The following CAMSAP2 variants were observed in gnomAD, a reference collection of about 807,000 sequenced individuals.
The protein encoded by CAMSAP2 is calmodulin regulated spectrin associated protein family member 2.
A neutral mutation model predicts 146.1 loss-of-function variants in CAMSAP2; 26 were observed. The ratio of observed to expected loss-of-function variants is 0.18; its 90% CI spans 0.13 to 0.25. CAMSAP2 has a LOEUF of 0.25. CAMSAP2 is among the 10% of genes least tolerant of loss of function. The pLI, the probability that CAMSAP2 is intolerant of heterozygous loss-of-function variation, is 1.00. For synonymous variants in CAMSAP2, 499 were observed against 596.6 expected (o/e 0.84, Z 2.38); for missense variants, 1,381 against 1,759.3 (o/e 0.78, Z 3.85).
At chr1:200,794,137 G>GA (rs1165955724) in intron 2 of CAMSAP2, among the ~76,000 whole-genome samples, 2 of 152,044 alleles carry the variant, frequency 1.3e-5, no homozygotes, top group East Asian at 3.9e-4. Flanking sequence ...GATTTCTGTG[G>GA]AAAAAATACA....
chr1:200,753,355 A>G (rs1476531885), intron 1 of CAMSAP2, among the ~76,000 whole-genome samples: 1 of 151,728 alleles, frequency 6.6e-6, no homozygotes, highest in Non-Finnish European at 1.5e-5. Flanking sequence ...CTGGATATCA[A>G]GCCCCTTCCT....
Position 200,858,991 on chromosome 1 carries a change from CATTAT to C in CAMSAP2, c.*936_*940del, listed in dbSNP as rs532203938. The C allele has an allele frequency of 2.6e-4, 40 of 152,586 alleles. No individual in the cohort carries two copies. The highest frequency in any genetic ancestry group is 9.4e-4 in the African/African-American group (39 of 41,564). The allele number at this position is 152,586 out of a possible 1,614,324, so 9.5% of individuals were successfully genotyped here. On this transcript the variant is annotated 3_prime_UTR_variant, in exon 17 of 17. Coordinates refer to ENST00000358823, the MANE Select transcript of CAMSAP2 (RefSeq NM_203459.4). ...GAAACAAGTTCTCAAGAAGTCTTTACATTATATTTATAACTCATATAAAAATTATA... is the reference window on the plus strand; with the variant it reads ...GAAACAAGTTCTCAAGAAGTCTTTACATTTATAACTCATATAAAAATTATA...
At chr1:200,782,875 C>T (rs1205009745) in intron 2 of CAMSAP2, among the ~76,000 whole-genome samples, 1 of 148,724 alleles carries the variant, frequency 6.7e-6, no homozygotes, top group Non-Finnish European at 1.5e-5. Flanking sequence ...CGGGCTCAAC[C>T]TCCTGGGCTC....
At chr1:200,806,789 C>G (rs1392911614) in intron 2 of CAMSAP2, among the ~76,000 whole-genome samples, 1 of 151,150 alleles carries the variant, frequency 6.6e-6, no homozygotes, top group Non-Finnish European at 1.5e-5. Context: ...ATCTATCTAT[C>G]TATCTATCTA....
intron 11 of CAMSAP2, 64 bp downstream of exon 11, chr1:200,850,298 T>A (rs1571831824): frequency 7.3e-7 from 1 of 1,377,454 alleles, no homozygotes; most frequent in Non-Finnish European, 9.7e-7. Flanking sequence ...TGTTGGATAT[T>A]TTTTTTTTCA....
At chr1:200,810,262 G>T (rs71635511) in intron 3 of CAMSAP2, among the ~76,000 whole-genome samples, 425 of 152,126 alleles carry the variant, frequency 2.8e-3, no homozygotes, top group African/African-American at 9.4e-3. Flanking sequence ...TGACTCTTCC[G>T]GTCTATTGGA....
chr1:200,759,852 G>C (rs1489028497), intron 1 of CAMSAP2, among the ~76,000 whole-genome samples: 1 of 152,176 alleles, frequency 6.6e-6, no homozygotes, highest in Non-Finnish European at 1.5e-5. Context: ...ATAGAGCCCA[G>C]GTAAGAAATG....
intron 3 of CAMSAP2, among the ~76,000 whole-genome samples, chr1:200,814,168 A>G (rs1345129022): frequency 6.9e-6 from 1 of 144,894 alleles, no homozygotes; most frequent in Admixed American, 7.0e-5. Flanking sequence ...TGAAAATACT[A>G]CAAAACAAAC....
At chr1:200,840,453 A>G (rs1425457799) in intron 6 of CAMSAP2, among the ~76,000 whole-genome samples, 2 of 152,082 alleles carry the variant, frequency 1.3e-5, no homozygotes, top group Non-Finnish European at 2.9e-5. Context: ...AAATTTTTAT[A>G]GAGGCAAGCT....
intron 2 of CAMSAP2, among the ~76,000 whole-genome samples, chr1:200,780,699 G>A (rs12037469): frequency 0.17 from 25,581 of 152,054 alleles, 2,861 homozygotes; most frequent in East Asian, 0.35. Context: ...ATACCTGGTA[G>A]GTTGGAGGAA....
intron 4 of CAMSAP2, among the ~76,000 whole-genome samples, chr1:200,823,873 T>G (rs1256305328): frequency 6.6e-6 from 1 of 152,214 alleles, no homozygotes; most frequent in East Asian, 1.9e-4. Flanking sequence ...TCTTCCCCAT[T>G]TATTTTTTAT....
intron 3 of CAMSAP2, 23 bp downstream of exon 3, chr1:200,807,560 A>G (rs1164128171): frequency 2.0e-6 from 3 of 1,479,550 alleles, no homozygotes; most frequent in Non-Finnish European, 2.7e-6. Flanking sequence ...TCACTTGAGT[A>G]AATCGCATCT....
chr1:200,814,125 A>AGGCGGGGGGAGG (rs58043977), intron 3 of CAMSAP2, among the ~76,000 whole-genome samples: 1 of 3,972 alleles, frequency 2.5e-4, no homozygotes. Flanking sequence ...AAAAAAAAAA[A>AGGCGGGGGGAGG]GGTGGCGGGG....
At chr1:200,817,089 CGT>C (rs1441622476) in intron 4 of CAMSAP2, among the ~76,000 whole-genome samples, 3 of 143,470 alleles carry the variant, frequency 2.1e-5, no homozygotes, top group South Asian at 4.3e-4. Flanking sequence ...TACACACACA[CGT>C]ATATATGTAT....
At chr1:200,809,240 T>A (rs567416442) in intron 3 of CAMSAP2, among the ~76,000 whole-genome samples, 1 of 152,340 alleles carries the variant, frequency 6.6e-6, no homozygotes, top group South Asian at 2.1e-4. Flanking sequence ...AGCAAATCTG[T>A]AAACAGTTTT....
intron 2 of CAMSAP2, among the ~76,000 whole-genome samples, chr1:200,776,865 T>C (rs1049449682): frequency 6.7e-6 from 1 of 148,430 alleles, no homozygotes; most frequent in Non-Finnish European, 1.5e-5. Flanking sequence ...GGGAGAAGAG[T>C]GAGAGAAAAG....
intron 4 of CAMSAP2, among the ~76,000 whole-genome samples, chr1:200,830,580 C>T (rs570487892): frequency 2.6e-4 from 40 of 152,196 alleles, no homozygotes; most frequent in Non-Finnish European, 4.3e-4. Context: ...ATTGTGAGAA[C>T]GGTAGCTTAA....
At chr1:200,855,138 T>G (rs191435319) in intron 14 of CAMSAP2, among the ~76,000 whole-genome samples, 30 of 152,288 alleles carry the variant, frequency 2.0e-4, no homozygotes, top group African/African-American at 7.2e-4. Flanking sequence ...ATAACATACT[T>G]TTTATAAGCT....
chr1:200,852,298 A>T (rs1667640698), intron 11 of CAMSAP2, among the ~76,000 whole-genome samples: 1 of 152,186 alleles, frequency 6.6e-6, no homozygotes, highest in African/African-American at 2.4e-5. Context: ...TGTTCTTTGC[A>T]AATCTCATAG....
Sources: allele counts gnomAD v4.1 joint callset (sites outside exome capture counted in the v4.1 genomes callset), GRCh38; gene constraint gnomAD v4.1.1; transcripts MANE v1.5; gene names NCBI Gene and HGNC (gene_info 2026-07-23, HGNC 2026-07-21).